ZNF184: variants seen among roughly 807,000 people sequenced by gnomAD.
The protein encoded by ZNF184 is zinc finger protein 184.
ZNF184 carries 16 observed loss-of-function variants against 54.4 expected under a neutral mutation model. That is an observed-to-expected ratio of 0.29 (90% CI 0.20 to 0.45). The LOEUF is 0.45. Among genes scored for constraint, ZNF184 ranks in the 20% least tolerant of loss-of-function variants. The pLI is 1.00. For synonymous variants in ZNF184, 254 were observed against 295.3 expected (o/e 0.86, Z 1.43); for missense variants, 681 against 888.2 (o/e 0.77, Z 2.97).
At chr6:27,404,941 C>T in the ZNF184 span, 3 of 151,168 alleles carry the variant, frequency 2.0e-5, no homozygotes, top group Admixed American at 6.6e-5. Flanking sequence ...CGGTTGAATC[C>T]GAGAGGCAGA....
chr6:27,447,300 G>A (rs999788731), downstream of ZNF184, among the ~76,000 whole-genome samples: 3 of 152,054 alleles, frequency 2.0e-5, no homozygotes, highest in Non-Finnish European at 4.4e-5. Context: ...TTTTCTATGT[G>A]AGAAGAACAT....
At position 27,472,153 on chromosome 6, in the gene ZNF184, G is replaced by C; in HGVS notation, c.7+135C>G. 1 of 1,133,742 alleles carries C rather than the reference G, an allele frequency of 8.8e-7. No homozygotes were observed. Among genetic ancestry groups the C allele is most frequent in the Non-Finnish European group, 1.3e-6 (1 of 799,664 alleles). The allele number at this position is 1,133,742 out of a possible 1,614,324, so 70.2% of individuals were successfully genotyped here. A position where few individuals can be genotyped will look rare whatever the true frequency, so the allele number is the denominator to read the frequency against. On this transcript the variant is annotated intron_variant, in intron 2 of 5. Coordinates refer to ENST00000683788, the MANE Select transcript of ZNF184 (RefSeq NM_001318891.2). This position sits in a 1 kb window ranked among gnomAD's most constrained non-coding sequence, Gnocchi z 4.8. Reference sequence around the variant, plus strand: ...AGAATCTCTCCCTACAATGTAATTCGGTTTCTTTGCTAATCCCTAAGCATA... The same window carrying C: ...AGAATCTCTCCCTACAATGTAATTCCGTTTCTTTGCTAATCCCTAAGCATA...
the ZNF184 span, among the ~76,000 whole-genome samples, chr6:27,414,216 T>G: frequency 1.3e-5 from 2 of 152,238 alleles, no homozygotes; most frequent in Non-Finnish European, 2.9e-5. Flanking sequence ...ACCATATCTC[T>G]GCTAGACTAT....
chr6:27,424,407 C>G, the ZNF184 span, among the ~76,000 whole-genome samples: 5 of 152,190 alleles, frequency 3.3e-5, no homozygotes, highest in Non-Finnish European at 5.9e-5. Flanking sequence ...TGCTTTTATT[C>G]TCTTATCTGG....
chr6:27,464,657 T>C (rs1406141076), intron 3 of ZNF184, among the ~76,000 whole-genome samples: 2 of 152,166 alleles, frequency 1.3e-5, no homozygotes, highest in Non-Finnish European at 2.9e-5. Context: ...ACATTACATG[T>C]AAGATCATAC....
At chr6:27,467,735 A>T (rs1763176307) in intron 3 of ZNF184, 118 bp downstream of exon 3, 2 of 910,444 alleles carry the variant, frequency 2.2e-6, no homozygotes, top group South Asian at 1.9e-5. Flanking sequence ...TAGACAGATG[A>T]GAGCCCAGAA....
At chr6:27,423,828 G>A in the ZNF184 span, among the ~76,000 whole-genome samples, 2 of 152,060 alleles carry the variant, frequency 1.3e-5, no homozygotes, top group Non-Finnish European at 2.9e-5. Context: ...AACTTTTTCC[G>A]ATGTTAATAT....
At chr6:27,465,258 G>A (rs1009672844) in intron 3 of ZNF184, among the ~76,000 whole-genome samples, 2 of 150,892 alleles carry the variant, frequency 1.3e-5, no homozygotes, top group Admixed American at 1.3e-4. Context: ...GGCGAGGCGG[G>A]CGGATCACGA....
Position 27,452,763 on chromosome 6 carries a change from T to A in ZNF184, c.796A>T (p.Ile266Leu), listed in dbSNP as rs1316235101. ...EKAFSRSENL[I>L]NHQRIHTGDK... ...CCAGTATGAATTCTTTGATGGTTTA[T>A]AAGGTTTTCACTCCGGCTGAAGGCT... The change falls in exon 6 of 6, where the codon ATA (isoleucine) becomes TTA (leucine). Residue 266 changes from isoleucine to leucine, a missense_variant. By Grantham distance (5) the Ile-to-Leu change is conservative. Coordinates refer to ENST00000683788, the MANE Select transcript of ZNF184 (RefSeq NM_001318891.2). This position sits in a 1 kb window ranked among gnomAD's most constrained non-coding sequence, Gnocchi z 5.5. 3 of 1,613,906 alleles carry A rather than the reference T, an allele frequency of 1.9e-6. No individual in the cohort carries two copies. Among genetic ancestry groups the A allele is most frequent in the Middle Eastern group, 1.7e-4 (1 of 6,056 alleles).
the ZNF184 span, among the ~76,000 whole-genome samples, chr6:27,431,405 G>A: frequency 1.4e-4 from 21 of 152,264 alleles, no homozygotes; most frequent in East Asian, 3.3e-3. Context: ...CAAATCCAGA[G>A]ATAGATACAT....
At chr6:27,417,716 C>A in the ZNF184 span, among the ~76,000 whole-genome samples, 1 of 152,188 alleles carries the variant, frequency 6.6e-6, no homozygotes. Flanking sequence ...AGGACAACTT[C>A]CTCCAGACAA....
the ZNF184 span, among the ~76,000 whole-genome samples, chr6:27,417,067 G>A: frequency 6.6e-6 from 1 of 152,206 alleles, no homozygotes; most frequent in African/African-American, 2.4e-5. Context: ...TTGTTAGAAT[G>A]GGAAGACCAA....
the ZNF184 span, among the ~76,000 whole-genome samples, chr6:27,417,859 T>C: frequency 6.6e-6 from 1 of 152,254 alleles, no homozygotes; most frequent in African/African-American, 2.4e-5. Flanking sequence ...AACTTATATG[T>C]ACTGAGCACT....
At position 27,472,106 on chromosome 6, in the gene ZNF184, C is replaced by A. The variant is rs1344208831; in HGVS notation, c.7+182G>T. On this transcript the variant is annotated intron_variant, in intron 2 of 5. Transcript: ENST00000683788. This position sits in a 1 kb window ranked among gnomAD's most constrained non-coding sequence, Gnocchi z 4.8. Reference sequence around the variant, plus strand: ...ACGAAAGAAAAAAATAAACTCCTCTCCCAAGTATCTCTCTATAAAACAGAA... The same window carrying A: ...ACGAAAGAAAAAAATAAACTCCTCTACCAAGTATCTCTCTATAAAACAGAA... 2.6e-5 allele frequency among the ~76,000 whole-genome samples: 4 copies of A among 152,198 alleles called. No individual in the cohort carries two copies. Among genetic ancestry groups the A allele is most frequent in the Non-Finnish European group, 5.9e-5 (4 of 68,038 alleles).
intron 3 of ZNF184, among the ~76,000 whole-genome samples, chr6:27,465,030 A>AAAAAAAAAGAAAG (rs1201935744): frequency 2.7e-5 from 4 of 148,554 alleles, no homozygotes; most frequent in Non-Finnish European, 4.5e-5. Flanking sequence ...AAAAAAAAAA[A>AAAAAAAAAGAAAG]AAAAAAATAG....
At chr6:27,430,243 T>C in the ZNF184 span, among the ~76,000 whole-genome samples, 3 of 152,138 alleles carry the variant, frequency 2.0e-5, no homozygotes. Context: ...TAACTCAAAA[T>C]AGTCAATATC....
the ZNF184 span, among the ~76,000 whole-genome samples, chr6:27,420,335 A>G: frequency 3.3e-5 from 5 of 152,134 alleles, no homozygotes; most frequent in African/African-American, 1.2e-4. Context: ...AAAACTGTCT[A>G]TTCCTCTATG....
the ZNF184 span, among the ~76,000 whole-genome samples, chr6:27,416,835 A>C: frequency 6.6e-6 from 1 of 152,204 alleles, no homozygotes; most frequent in African/African-American, 2.4e-5. Context: ...TTTAAGCCTC[A>C]CAGCATCCTA....
chr6:27,434,481 C>G, the ZNF184 span, among the ~76,000 whole-genome samples: 2 of 152,088 alleles, frequency 1.3e-5, no homozygotes, highest in Non-Finnish European at 2.9e-5. Context: ...GGAAAATTTT[C>G]TATTCAAATA....
Sources: gnomAD v4.1 joint callset for allele counts (sites outside exome capture counted in the v4.1 genomes callset) on GRCh38, gnomAD v4.1.1 for gene constraint, Gnocchi (gnomAD v3.1) non-coding constraint, MANE v1.5 for transcripts, NCBI Gene and HGNC (gene_info 2026-07-23, HGNC 2026-07-21) for gene names.